Variants in SYNJ2BP observed in about 807,000 individuals in gnomAD.
The protein encoded by SYNJ2BP is synaptojanin 2 binding protein, also known as synaptojanin-2-binding protein.
Under a neutral mutation model 16.9 loss-of-function variants are expected in SYNJ2BP, and 10 were observed. That is an observed-to-expected ratio of 0.59 (90% confidence interval 0.36 to 1.00). The LOEUF is 1.00. Among genes scored for constraint, SYNJ2BP ranks in the 50% least tolerant of loss-of-function variants. SYNJ2BP has a pLI of 0.01. For synonymous variants in SYNJ2BP, 54 were observed against 68.4 expected (o/e 0.79, Z 1.04); for missense variants, 162 against 186.7 (o/e 0.87, Z 0.77).
At chr14:70,409,724 AT>A (rs566047148) in intron 1 of SYNJ2BP, among the ~76,000 whole-genome samples, 276 of 152,288 alleles carry the variant, frequency 1.8e-3, no homozygotes, top group African/African-American at 6.1e-3. Context: ...GTCCATCCTC[AT>A]TCTCTCTTTC....
chr14:70,398,708 C>T (rs753266037), intron 1 of SYNJ2BP, among the ~76,000 whole-genome samples: 27 of 152,174 alleles, frequency 1.8e-4, no homozygotes, highest in Non-Finnish European at 1.5e-4. Context: ...TAGGTCTTTG[C>T]ACCTGGGAGG....
At chr14:70,399,328 G>A (rs1888180916) in intron 1 of SYNJ2BP, among the ~76,000 whole-genome samples, 1 of 152,198 alleles carries the variant, frequency 6.6e-6, no homozygotes, top group South Asian at 2.1e-4. Flanking sequence ...AGCCCCCAGG[G>A]CAGCAGGCTC....
chr14:70,373,424 G>A lies in SYNJ2BP; in HGVS notation c.298-293C>T, dbSNP rs140636521. On this transcript the variant is annotated intron_variant, in intron 3 of 3. Transcript: ENST00000256366. ...CTGTACTGCCTCTACCTTGCTATTT[G>A]TGTATCGTATCAGGAAAATGAAGAC... 4.8e-3 allele frequency among the ~76,000 whole-genome samples: 733 copies of A among 152,292 alleles called. 7 individuals carry two copies. The highest frequency in any genetic ancestry group is 0.017 in the African/African-American group (699 of 41,558).
chr14:70,384,438 T>C (rs1887815676), intron 2 of SYNJ2BP, among the ~76,000 whole-genome samples: 1 of 152,244 alleles, frequency 6.6e-6, no homozygotes, highest in Non-Finnish European at 1.5e-5. Flanking sequence ...TAAGTACATT[T>C]CATAGTTATG....
chr14:70,394,572 T>G (rs1395105842), intron 1 of SYNJ2BP, among the ~76,000 whole-genome samples: 1 of 152,054 alleles, frequency 6.6e-6, no homozygotes, highest in African/African-American at 2.4e-5. Context: ...GTGTCTATTT[T>G]GCAGTCTAAA....
chr14:70,416,359 G>A (rs1247688586), intron 1 of SYNJ2BP, among the ~76,000 whole-genome samples: 2 of 148,590 alleles, frequency 1.3e-5, no homozygotes, highest in African/African-American at 5.0e-5. Context: ...ATTTTGTGGC[G>A]GAACCAAGTT....
At chr14:70,402,921 T>C (rs1004615587) in intron 1 of SYNJ2BP, among the ~76,000 whole-genome samples, 6 of 152,190 alleles carry the variant, frequency 3.9e-5, no homozygotes, top group African/African-American at 1.2e-4. Flanking sequence ...CATGCCCCTA[T>C]ACCCAAGCAG....
chr14:70,399,112 G>A (rs566800871), intron 1 of SYNJ2BP, among the ~76,000 whole-genome samples: 7 of 152,208 alleles, frequency 4.6e-5, no homozygotes, highest in South Asian at 4.1e-4. Flanking sequence ...TGGGTGCTCC[G>A]CTGGCCAGGT....
At chr14:70,378,893 C>T (rs1887689836) in intron 2 of SYNJ2BP, among the ~76,000 whole-genome samples, 1 of 152,188 alleles carries the variant, frequency 6.6e-6, no homozygotes, top group African/African-American at 2.4e-5. Flanking sequence ...ACTCTATGTT[C>T]ACCTTATCTT....
At chr14:70,388,241 G>T (rs1301076780) in intron 2 of SYNJ2BP, among the ~76,000 whole-genome samples, 3 of 152,210 alleles carry the variant, frequency 2.0e-5, no homozygotes, top group African/African-American at 7.2e-5. Context: ...TTTTGAACAA[G>T]TAACTTCACA....
chr14:70,373,862 A>G (rs1566613942), intron 3 of SYNJ2BP, among the ~76,000 whole-genome samples: 1 of 152,222 alleles, frequency 6.6e-6, no homozygotes, highest in Non-Finnish European at 1.5e-5. Flanking sequence ...CTTAATATCA[A>G]CTTTTAGTGG....
At position 70,366,601 on chromosome 14, in the gene SYNJ2BP, T is replaced by G. The variant is rs1022362035; in HGVS notation, c.*6390A>C. On this transcript the variant is annotated 3_prime_UTR_variant, in exon 4 of 4. Transcript: ENST00000256366. ...GTATCTGGTATCAAACAACAAAGCC[T>G]GAAAGATTACCATAGATTTTGATGG... 1 of 152,214 alleles carries G rather than the reference T, an allele frequency of 6.6e-6. No homozygotes were observed. The highest frequency in any genetic ancestry group is 1.5e-5 in the Non-Finnish European group (1 of 68,038). The allele number at this position is 152,214 out of a possible 1,614,324, so 9.4% of individuals were successfully genotyped here. A position where few individuals can be genotyped will look rare whatever the true frequency, so the allele number is the denominator to read the frequency against.
chr14:70,366,688 G>A lies in SYNJ2BP; in HGVS notation c.*6303C>T, dbSNP rs545919027. On this transcript the variant is annotated 3_prime_UTR_variant, in exon 4 of 4. Coordinates refer to ENST00000256366, the MANE Select transcript of SYNJ2BP (RefSeq NM_018373.3). ...GGATAATAAATACAGTTTTATGTCC[G>A]TGTGTCTTCTGTGTCTTCCAAGTTG... The A allele has an allele frequency of 9.2e-5, 14 of 152,240 alleles. No individual in the cohort carries two copies. The highest frequency in any genetic ancestry group is 2.6e-4 in the Admixed American group (4 of 15,296). The allele number at this position is 152,240 out of a possible 1,614,324, so 9.4% of individuals were successfully genotyped here.
chr14:70,392,829 T>C (rs1209704254), intron 1 of SYNJ2BP, among the ~76,000 whole-genome samples: 2 of 152,198 alleles, frequency 1.3e-5, no homozygotes, highest in Non-Finnish European at 2.9e-5. Context: ...CAGATGTCAG[T>C]TGGAAACCAC....
chr14:70,406,212 G>A (rs1308628445), intron 1 of SYNJ2BP, among the ~76,000 whole-genome samples: 1 of 152,084 alleles, frequency 6.6e-6, no homozygotes, highest in African/African-American at 2.4e-5. Context: ...GGTTACCTTT[G>A]CAGAATAACA....
At chr14:70,404,480 A>C (rs1159736528) in intron 1 of SYNJ2BP, among the ~76,000 whole-genome samples, 2 of 152,264 alleles carry the variant, frequency 1.3e-5, no homozygotes, top group African/African-American at 4.8e-5. Flanking sequence ...ACAGATAATT[A>C]TAAAATGTCT....
intron 1 of SYNJ2BP, among the ~76,000 whole-genome samples, chr14:70,396,410 C>T (rs535018157): frequency 5.9e-4 from 90 of 152,260 alleles, no homozygotes; most frequent in African/African-American, 2.1e-3. Flanking sequence ...ACCCACCGCG[C>T]CCGGTCCCTT....
chr14:70,378,646 T>A (rs17566989), intron 2 of SYNJ2BP, among the ~76,000 whole-genome samples: 1 of 152,078 alleles, frequency 6.6e-6, no homozygotes, highest in Non-Finnish European at 1.5e-5. Flanking sequence ...AACTTTCATA[T>A]ACAATAGATT....
chr14:70,373,763 T>C (rs1187700644), intron 3 of SYNJ2BP, among the ~76,000 whole-genome samples: 1 of 152,202 alleles, frequency 6.6e-6, no homozygotes, highest in Admixed American at 6.5e-5. Context: ...AGAAATTATA[T>C]CCTAGTGCTT....
Sources: allele counts gnomAD v4.1 joint callset (sites outside exome capture counted in the v4.1 genomes callset), GRCh38; gene constraint gnomAD v4.1.1; transcripts MANE v1.5; gene names NCBI Gene and HGNC (gene_info 2026-07-23, HGNC 2026-07-21).